Variants in ZNF211 observed in about 807,000 individuals in gnomAD.
ZNF211 encodes zinc finger protein C2H2-25.
In ZNF211, 18 loss-of-function variants were observed where a neutral mutation model predicts 12.1. That is an observed-to-expected ratio of 1.48 (90% CI 1.03 to 2.20). ZNF211 has a LOEUF of 2.20. ZNF211 is among the 30% of genes most tolerant of loss of function. The pLI is 0.00. For synonymous variants in ZNF211, 249 were observed against 246.0 expected (o/e 1.01, Z -0.11); for missense variants, 677 against 703.1 (o/e 0.96, Z 0.42).
chr19:57,636,364 A>T (rs1982135941), intron 3 of ZNF211, among the ~76,000 whole-genome samples: 1 of 152,180 alleles, frequency 6.6e-6, no homozygotes, highest in Admixed American at 6.5e-5. Flanking sequence ...CTATAGTTTT[A>T]GTACTTACAT....
At position 57,641,098 on chromosome 19, in the gene ZNF211, C is replaced by T. The variant is rs371372624; in HGVS notation, c.651C>T (p.Asp217=). The change falls in exon 4 of 4, where the codon GAC becomes GAT. Residue 217 remains aspartate (D), a synonymous_variant. Transcript: ENST00000240731. The part of the protein sequence containing the change: ...FLANMRFLHQ[D]ATQTGEKPNN... The stretch of plus-strand genomic sequence containing the variant: ...CCAACATGAGGTTTCTCCATCAAGA[C>T]GCCACTCAAACAGGGGAGAAGCCAA... 60 of 1,614,034 alleles carry T rather than the reference C, an allele frequency of 3.7e-5. No homozygotes were observed. The East Asian group carries it at 5.1e-4, about 14-fold the overall frequency.
In ZNF211 at chr19:57,640,887, G is replaced by A. The variant is rs753240884; in HGVS notation, c.440G>A (p.Gly147Glu). Residue 147 changes from glycine to glutamate, a missense_variant, in exon 4 of 4, where the codon GGG (glycine) becomes GAG (glutamate). By Grantham distance (98) the Gly-to-Glu change is moderately conservative. Coordinates refer to ENST00000240731, the MANE Select transcript of ZNF211 (RefSeq NM_006385.5). ...HLAEHQGTNC[G>E]QKLHTCGKQF... ...GCTGAACACCAAGGAACAAACTGCG[G>A]GCAGAAACTACACACATGTGGAAAA... is the stretch of plus-strand genomic sequence containing the variant. The A allele has an allele frequency of 1.2e-6, 2 of 1,614,212 alleles. No individual in the cohort carries two copies. The highest frequency in any genetic ancestry group is 2.2e-5 in the South Asian group (2 of 91,092).
In ZNF211 at chr19:57,634,022, G is replaced by A. The variant is rs1252842451; in HGVS notation, c.91-1G>A. ...CCTCTGAGGCCTGCGTCTTTCCACA[G>A]GTTCCCATAGCTACAGAGGTGCTTT... is the stretch of plus-strand genomic sequence containing the variant. On this transcript the variant is annotated splice_acceptor_variant, in intron 1 of 3. Coordinates refer to ENST00000240731, the MANE Select transcript of ZNF211 (RefSeq NM_006385.5). LOFTEE classifies it high-confidence loss of function. 2 of 1,589,230 alleles carry A rather than the reference G, an allele frequency of 1.3e-6. No individual in the cohort carries two copies. Among genetic ancestry groups the A allele is most frequent in the African/African-American group, 1.4e-5 (1 of 74,054 alleles).
In ZNF211 at chr19:57,642,020, A is replaced by G; in HGVS notation, c.1573A>G (p.Ser525Gly). 3.1e-6 allele frequency: 5 copies of G among 1,614,174 alleles called. No individual in the cohort carries two copies. The highest frequency in any genetic ancestry group is 2.2e-5 in the East Asian group (1 of 44,876). The change falls in exon 4 of 4, where the codon AGT (serine) becomes GGT (glycine). Residue 525 changes from serine to glycine, a missense_variant. Ser to Gly is a moderately conservative substitution (Grantham distance 56). Coordinates refer to ENST00000240731, the MANE Select transcript of ZNF211 (RefSeq NM_006385.5). Reference sequence around the variant, plus strand: ...CACTGGAGAAAGGCCTTATGAGTGCAGTGAATGTGGGAAATCCTTTAGCCA... The same window carrying G: ...CACTGGAGAAAGGCCTTATGAGTGCGGTGAATGTGGGAAATCCTTTAGCCA... ...VHTGERPYEC[S>G]ECGKSFSQSS...
intron 1 of ZNF211, 105 bp downstream of exon 1, chr19:57,633,541 C>T (rs1055417852): frequency 1.3e-5 from 19 of 1,493,836 alleles, no homozygotes; most frequent in Non-Finnish European, 1.6e-5. Context: ...CACTGAGGCT[C>T]GTGGGTGGGG....
Position 57,634,782 on chromosome 19 carries a change from C to T in ZNF211, c.256+27C>T, listed in dbSNP as rs560333800. 27 of 1,535,858 alleles carry T rather than the reference C, an allele frequency of 1.8e-5. No homozygotes were observed. In the South Asian group the frequency reaches 3.4e-4, roughly 20 times the overall value. ...TAAGGCCCTCATACTCACCCTTGTGCCCTGGACTAGGCTCTCTGTTTCTCC... is the reference window on the plus strand; with the variant it reads ...TAAGGCCCTCATACTCACCCTTGTGTCCTGGACTAGGCTCTCTGTTTCTCC... On this transcript the variant is annotated intron_variant, in intron 3 of 3. Transcript: ENST00000240731.
chr19:57,640,213 T>G, intron 3 of ZNF211: 2 of 1,022,938 alleles, frequency 2.0e-6, no homozygotes, highest in Non-Finnish European at 1.4e-6. Flanking sequence ...TTATTTTGAC[T>G]TCTAGCTAAC....
At chr19:57,640,150 C>T (rs1982704271) in intron 3 of ZNF211, 3 of 1,404,654 alleles carry the variant, frequency 2.1e-6, no homozygotes, top group Admixed American at 5.1e-5. Flanking sequence ...TTCGACCTTC[C>T]CCTCTTCACT....
rs370514762 is a variant in ZNF211 at position 57,640,572 on chromosome 19, A to ACC, written c.257-127_257-126dup. ...GCACAACAGCTGCTTCCTCAACCTG[A>ACC]CCCCCCAACTCACTTTTCCTAAAAA... On this transcript the variant is annotated intron_variant, in intron 3 of 3. Coordinates refer to ENST00000240731, the MANE Select transcript of ZNF211 (RefSeq NM_006385.5). 96 of 1,160,010 alleles carry ACC rather than the reference A, an allele frequency of 8.3e-5. No individual in the cohort carries two copies. The African/African-American group carries it at 1.5e-3, about 18-fold the overall frequency. 71.9% of individuals were successfully genotyped at this position (1,160,010 alleles called of 1,614,324 possible).
chr19:57,637,911 T>C (rs1431342781), intron 3 of ZNF211, among the ~76,000 whole-genome samples: 1 of 151,408 alleles, frequency 6.6e-6, no homozygotes, highest in Non-Finnish European at 1.5e-5. Context: ...TTTTTTTTTT[T>C]TTCTTGAGAC....
chr19:57,641,712 G>T lies in ZNF211; in HGVS notation c.1265G>T (p.Ser422Ile), dbSNP rs1356397038. 3 of 1,613,546 alleles carry T rather than the reference G, an allele frequency of 1.9e-6. No individual in the cohort carries two copies. In the South Asian group the frequency reaches 3.3e-5, roughly 18 times the overall value. Reference protein sequence around the residue: ...CNECGKSFSRSSSLIHHRRLH... With the variant: ...CNECGKSFSRISSLIHHRRLH... Reference sequence around the variant, plus strand: ...GAATGTGGAAAATCCTTTAGCCGAAGCTCCAGCCTCATTCACCACCGGAGA... The same window carrying T: ...GAATGTGGAAAATCCTTTAGCCGAATCTCCAGCCTCATTCACCACCGGAGA... The change falls in exon 4 of 4, where the codon AGC becomes ATC. Residue 422 changes from serine (S) to isoleucine (I), a missense_variant. By Grantham distance (142) the Ser-to-Ile change is moderately radical. Transcript: ENST00000240731.
Position 57,642,320 on chromosome 19 carries a change from T to G in ZNF211, c.*139T>G, listed in dbSNP as rs2122231084. On this transcript the variant is annotated 3_prime_UTR_variant, in exon 4 of 4. Transcript: ENST00000240731. ...GGATTCCCCTTAAGTTCCAGGTATGTGTTACACTTTCTAACATGCCATTTA... is the reference window on the plus strand; with the variant it reads ...GGATTCCCCTTAAGTTCCAGGTATGGGTTACACTTTCTAACATGCCATTTA... 1 of 945,078 alleles carries G rather than the reference T, an allele frequency of 1.1e-6. No homozygotes were observed. Among genetic ancestry groups the G allele is most frequent in the East Asian group, 2.5e-5 (1 of 40,440 alleles). The allele number at this position is 945,078 out of a possible 1,614,324, so 58.5% of individuals were successfully genotyped here. A position where few individuals can be genotyped will look rare whatever the true frequency, so the allele number is the denominator to read the frequency against.
chr19:57,640,945 C>G lies in ZNF211; in HGVS notation c.498C>G (p.His166Gln), dbSNP rs760196306. ...QFYISANLQQHQRQHITEAPF... is the reference protein window; with the variant it reads ...QFYISANLQQQQRQHITEAPF... The stretch of plus-strand genomic sequence containing the variant: ...ACATCAGTGCAAATCTTCAACAGCA[C>G]CAGAGGCAGCACATTACAGAGGCAC... The change falls in exon 4 of 4, where the codon CAC becomes CAG. Residue 166 changes from histidine (H) to glutamine (Q), a missense_variant. By Grantham distance (24) the His-to-Gln change is conservative. Transcript: ENST00000240731. The G allele has an allele frequency of 5.6e-6, 9 of 1,614,198 alleles. No individual in the cohort carries two copies. The South Asian group carries it at 6.6e-5, about 12-fold the overall frequency.
At chr19:57,637,895 CTT>C (rs777707976) in intron 3 of ZNF211, among the ~76,000 whole-genome samples, 40 of 131,554 alleles carry the variant, frequency 3.0e-4, no homozygotes, top group African/African-American at 8.0e-4. Context: ...TAAGGTTTGT[CTT>C]TTTTTTTTTT....
chr19:57,638,497 G>A (rs1306951475), intron 3 of ZNF211, among the ~76,000 whole-genome samples: 1 of 151,840 alleles, frequency 6.6e-6, no homozygotes, highest in African/African-American at 2.4e-5. Context: ...GGCCCCATTG[G>A]TTTTTCAATA....
Position 57,642,979 on chromosome 19 carries a change from A to G in ZNF211, c.*798A>G, listed in dbSNP as rs1425843799. 6.6e-6 allele frequency among the ~76,000 whole-genome samples: 1 copy of G among 152,138 alleles called. No homozygotes were observed. The highest frequency in any genetic ancestry group is 1.5e-5 in the Non-Finnish European group (1 of 68,030). On this transcript the variant is annotated 3_prime_UTR_variant, in exon 4 of 4. Coordinates refer to ENST00000240731, the MANE Select transcript of ZNF211 (RefSeq NM_006385.5). The stretch of plus-strand genomic sequence containing the variant: ...AAGGCCTTCTAGGAAATACTGCAGG[A>G]TATTATGGTCTTAATTCGTGGACTG...
chr19:57,637,147 T>C (rs1299379943), intron 3 of ZNF211, among the ~76,000 whole-genome samples: 1 of 152,182 alleles, frequency 6.6e-6, no homozygotes, highest in Non-Finnish European at 1.5e-5. Context: ...ATTTTACTCC[T>C]CCTTTCCCAT....
In ZNF211 at chr19:57,641,754, GACCC is replaced by G. The variant is rs761668314; in HGVS notation, c.1308_1311del (p.Arg436SerfsTer77). 6.2e-6 allele frequency: 10 copies of G among 1,614,008 alleles called. No homozygotes were observed. The highest frequency in any genetic ancestry group is 8.5e-6 in the Non-Finnish European group (10 of 1,180,036). On this transcript the variant is annotated frameshift_variant, in exon 4 of 4. Transcript: ENST00000240731. LOFTEE classifies it low-confidence loss of function (END_TRUNC). The stretch of plus-strand genomic sequence containing the variant: ...CACCGGAGACTTCACACTGGAGAAA[GACCC>G]TATGAGTGCAGTAAATGTGGGAAGT...
Position 57,642,066 on chromosome 19 carries a change from A to G in ZNF211, c.1619A>G (p.His540Arg), listed in dbSNP as rs1247799872. Residue 540 changes from histidine (H) to arginine (R), a missense_variant, in exon 4 of 4, where the codon CAC becomes CGC. Physicochemically the swap from His to Arg is conservative, Grantham distance 29. Transcript: ENST00000240731. ...SFSQSSSLIQ[H>R]RRVHTGKRPY... ...AGCCAAAGTTCTAGCCTCATTCAAC[A>G]CCGCAGAGTTCACACGGGAAAAAGG... The G allele has an allele frequency of 6.2e-7, 1 of 1,614,128 alleles. No homozygotes were observed. The highest frequency in any genetic ancestry group is 1.7e-5 in the Admixed American group (1 of 60,030).
Sources: gnomAD v4.1 joint callset for allele counts (sites outside exome capture counted in the v4.1 genomes callset) on GRCh38, gnomAD v4.1.1 for gene constraint, MANE v1.5 for transcripts, NCBI Gene and HGNC (gene_info 2026-07-23, HGNC 2026-07-21) for gene names.